AOC1: variants seen among roughly 807,000 people sequenced by gnomAD.
AOC1 encodes diamine oxidase [copper-containing].
In AOC1, 58 loss-of-function variants were observed where a neutral mutation model predicts 57.1. That is an observed-to-expected ratio of 1.02 (90% confidence interval 0.82 to 1.26). The LOEUF (loss-of-function observed/expected upper bound fraction) is 1.26, where lower values mean the gene tolerates loss of function less well. Among genes scored for constraint, AOC1 ranks in the 50% most tolerant of loss-of-function variants. The pLI, the probability that AOC1 is intolerant of heterozygous loss-of-function variation, is 0.00. For synonymous variants in AOC1, 401 were observed against 423.4 expected (o/e 0.95, Z 0.65); for missense variants, 917 against 1,005.3 (o/e 0.91, Z 1.19).
At position 150,857,059 on chromosome 7, in the gene AOC1, C is replaced by A; in HGVS notation, c.589C>A (p.Arg197Ser). The change falls in exon 2 of 5, where the codon CGC becomes AGC. Residue 197 changes from arginine to serine, a missense_variant. By Grantham distance (110) the Arg-to-Ser change is moderately radical (BLOSUM62 -1). Coordinates refer to ENST00000360937, the MANE Select transcript of AOC1 (RefSeq NM_001091.4). This position sits in a 1 kb window ranked among gnomAD's most constrained non-coding sequence, Gnocchi z 6.6. Reference protein sequence around the residue: ...VAPRGVASGQRRSWLIIQRYV... With the variant: ...VAPRGVASGQSRSWLIIQRYV... ...CCCCCGGGGTGTGGCTTCTGGCCAG[C>A]GCCGCAGTTGGCTTATCATACAGCG... 1 of 1,614,084 alleles carries A rather than the reference C, an allele frequency of 6.2e-7. No individual in the cohort carries two copies. Among genetic ancestry groups the A allele is most frequent in the Non-Finnish European group, 8.5e-7 (1 of 1,179,998 alleles).
rs1348481216 is a variant in AOC1 at position 150,857,163 on chromosome 7, G to A, written c.693G>A (p.Trp231Ter). 8.7e-6 allele frequency: 14 copies of A among 1,613,936 alleles called. No homozygotes were observed. Among genetic ancestry groups the A allele is most frequent in the Non-Finnish European group, 1.2e-5 (14 of 1,179,960 alleles). The change falls in exon 2 of 5, where the codon TGG (tryptophan) becomes TGA (stop). Residue 231 changes from tryptophan to a stop codon, truncating the protein, a stop_gained. Transcript: ENST00000360937. LOFTEE classifies it high-confidence loss of function. The surrounding 1 kb of genome is among the most constrained non-coding windows in gnomAD (Gnocchi z 6.6). ...VDHGSTDAGH[W>*]AVEQVWYNGK... is the part of the protein sequence containing the mutation. ...ATGGGAGCACAGATGCTGGGCACTG[G>A]GCCGTGGAGCAGGTGTGGTACAACG...
At chr7:150,853,674 TA>T (rs59175827) in intron 1 of AOC1, among the ~76,000 whole-genome samples, 28,832 of 109,416 alleles carry the variant, frequency 0.26, 3,303 homozygotes, top group African/African-American at 0.32. Flanking sequence ...TATATATATA[TA>T]TATATATATA....
In AOC1 at chr7:150,856,735, G is replaced by A. The variant is rs1799787770; in HGVS notation, c.265G>A (p.Gly89Ser). The change falls in exon 2 of 5, where the codon GGT (glycine) becomes AGT (serine). Residue 89 changes from glycine to serine, a missense_variant. By Grantham distance (56) the Gly-to-Ser change is moderately conservative. Transcript: ENST00000360937. The surrounding 1 kb of genome is among the most constrained non-coding windows in gnomAD (Gnocchi z 5.2). ...KYHVLRFLDK[G>S]ERHPVREARA... Reference sequence around the variant, plus strand: ...CCATGTGCTGAGGTTTCTGGATAAAGGTGAAAGGCATCCTGTGCGGGAAGC... The same window carrying A: ...CCATGTGCTGAGGTTTCTGGATAAAAGTGAAAGGCATCCTGTGCGGGAAGC... The A allele has an allele frequency of 6.2e-7, 1 of 1,614,054 alleles. No homozygotes were observed. Among genetic ancestry groups the A allele is most frequent in the South Asian group, 1.1e-5 (1 of 91,086 alleles).
rs938831675 is a variant in AOC1 at position 150,857,253 on chromosome 7, G to A, written c.783G>A (p.Val261=). 1.2e-6 allele frequency: 2 copies of A among 1,610,730 alleles called. No individual in the cohort carries two copies. The highest frequency in any genetic ancestry group is 2.7e-5 in the African/African-American group (2 of 74,880). The change falls in exon 2 of 5, where the codon GTG becomes GTA. Residue 261 remains valine (V), a synonymous_variant. Coordinates refer to ENST00000360937, the MANE Select transcript of AOC1 (RefSeq NM_001091.4). This position sits in a 1 kb window ranked among gnomAD's most constrained non-coding sequence, Gnocchi z 6.6. ...ATGCAGATGGAGAGGTGGACGTGGT[G>A]GTCCTGGAGGACCCGCTGCCTGGGG... ...RKYADGEVDV[V]VLEDPLPGGK...
chr7:150,858,664 C>A, intron 2 of AOC1, 99 bp from the exon 3 acceptor site: 1 of 1,286,880 alleles, frequency 7.8e-7, no homozygotes. Context: ...AGACAGTTGG[C>A]TGTTGGATGT....
At position 150,856,287 on chromosome 7, in the gene AOC1, G is replaced by C. The variant is rs146252614; in HGVS notation, c.-16-168G>C. Among the ~76,000 whole-genome samples the C allele has an allele frequency of 1.3e-5, 2 of 152,168 alleles. No homozygotes were observed. Among genetic ancestry groups the C allele is most frequent in the Admixed American group, 6.5e-5 (1 of 15,282 alleles). The stretch of plus-strand genomic sequence containing the variant: ...ATGGATGCACAGGCAGCGGCCCGAC[G>C]GCGCTGGGGACTATGCATGGGGCCC... On this transcript the variant is annotated intron_variant, in intron 1 of 4. Transcript: ENST00000360937. This position sits in a 1 kb window ranked among gnomAD's most constrained non-coding sequence, Gnocchi z 5.2.
rs550644434 is a variant in AOC1 at position 150,857,441 on chromosome 7, T to C, written c.971T>C (p.Phe324Ser). 6 of 1,611,182 alleles carry C rather than the reference T, an allele frequency of 3.7e-6. No individual in the cohort carries two copies. Among genetic ancestry groups the C allele is most frequent in the Non-Finnish European group, 4.2e-6 (5 of 1,179,598 alleles). Residue 324 changes from phenylalanine to serine, a missense_variant, in exon 2 of 5, where the codon TTT becomes TCT. Phe to Ser is a radical substitution (Grantham distance 155). Coordinates refer to ENST00000360937, the MANE Select transcript of AOC1 (RefSeq NM_001091.4). The surrounding 1 kb of genome is among the most constrained non-coding windows in gnomAD (Gnocchi z 6.6). ...GNAVLYGGWS[F>S]AFRLRSSSGL... ...GCTGTGCTCTACGGCGGCTGGAGCT[T>C]TGCCTTCCGGCTGCGCTCCTCCTCC...
chr7:150,858,816 C>T lies in AOC1; in HGVS notation c.1624C>T (p.Pro542Ser), dbSNP rs752076417. The change falls in exon 3 of 5, where the codon CCC (proline) becomes TCC (serine). Residue 542 changes from proline (P) to serine (S), a missense_variant. Coordinates refer to ENST00000360937, the MANE Select transcript of AOC1 (RefSeq NM_001091.4). ...LQMKLENITN[P>S]WSPRHRVVQP... ...GATGAAGCTAGAAAACATCACCAAC[C>T]CCTGGAGCCCAAGACACCGCGTGGT... 1.9e-5 allele frequency: 31 copies of T among 1,612,986 alleles called. No homozygotes were observed. The highest frequency in any genetic ancestry group is 2.5e-5 in the Non-Finnish European group (30 of 1,179,048).
chr7:150,856,866 T>C lies in AOC1; in HGVS notation c.396T>C (p.Pro132=). The change falls in exon 2 of 5, where the codon CCT becomes CCC. Residue 132 remains proline (P), a synonymous_variant. Coordinates refer to ENST00000360937, the MANE Select transcript of AOC1 (RefSeq NM_001091.4). This position sits in a 1 kb window ranked among gnomAD's most constrained non-coding sequence, Gnocchi z 5.2. The stretch of plus-strand genomic sequence containing the variant: ...ACATGCGAGCACTGTCCCCCAGGCC[T>C]GGGTACCAGTCCTCCTGGGCATCGA... ...PCYMRALSPR[P]GYQSSWASRP... The C allele has an allele frequency of 6.2e-7, 1 of 1,614,050 alleles. No individual in the cohort carries two copies. Among genetic ancestry groups the C allele is most frequent in the East Asian group, 2.2e-5 (1 of 44,870 alleles).
chr7:150,857,060 G>A lies in AOC1; in HGVS notation c.590G>A (p.Arg197His), dbSNP rs761385425. 41 of 1,613,960 alleles carry A rather than the reference G, an allele frequency of 2.5e-5. No homozygotes were observed. The highest frequency in any genetic ancestry group is 1.6e-4 in the Middle Eastern group (1 of 6,084). ...CCCCGGGGTGTGGCTTCTGGCCAGC[G>A]CCGCAGTTGGCTTATCATACAGCGC... ...VAPRGVASGQ[R>H]RSWLIIQRYV... Residue 197 changes from arginine (R) to histidine (H), a missense_variant, in exon 2 of 5, where the codon CGC becomes CAC. Transcript: ENST00000360937. The surrounding 1 kb of genome is among the most constrained non-coding windows in gnomAD (Gnocchi z 6.6).
At position 150,860,527 on chromosome 7, in the gene AOC1, G is replaced by A. The variant is rs377656190; in HGVS notation, c.1883G>A (p.Arg628Gln). 61 of 1,613,852 alleles carry A rather than the reference G, an allele frequency of 3.8e-5. No homozygotes were observed. Among genetic ancestry groups the A allele is most frequent in the South Asian group, 9.9e-5 (9 of 91,088 alleles). ...ARYPLAVTKY[R>Q]ESELCSSSIY... The stretch of plus-strand genomic sequence containing the variant: ...TACCCCCTGGCAGTGACCAAGTACC[G>A]GGAGTCGGAGCTGTGCAGCAGCAGC... Residue 628 changes from arginine to glutamine, a missense_variant, in exon 4 of 5, where the codon CGG becomes CAG. Transcript: ENST00000360937.
intron 1 of AOC1, among the ~76,000 whole-genome samples, chr7:150,853,695 A>ATATATATATATATATT (rs1244012491): frequency 8.3e-5 from 7 of 84,292 alleles, no homozygotes; most frequent in Non-Finnish European, 1.1e-4. Flanking sequence ...ATATATATAT[A>ATATATATATATATATT]TATTTATTTA....
At chr7:150,858,439 A>G (rs1799860752) in intron 2 of AOC1, among the ~76,000 whole-genome samples, 1 of 152,138 alleles carries the variant, frequency 6.6e-6, no homozygotes, top group Non-Finnish European at 1.5e-5. Flanking sequence ...GCCAGACCCA[A>G]CAAGGCCACC....
chr7:150,860,585 C>G lies in AOC1; in HGVS notation c.1941C>G (p.Pro647=). 6.2e-7 allele frequency: 1 copy of G among 1,613,992 alleles called. No homozygotes were observed. Among genetic ancestry groups the G allele is most frequent in the East Asian group, 2.2e-5 (1 of 44,866 alleles). Residue 647 remains proline, a synonymous_variant, in exon 4 of 5, where the codon CCC becomes CCG. Transcript: ENST00000360937. ...IYHQNDPWHP[P]VVFEQFLHNN... ...ACCAGAACGACCCCTGGCACCCGCC[C>G]GTGGTCTTTGAGCAGTTTCTTCACA...
intron 1 of AOC1, among the ~76,000 whole-genome samples, chr7:150,855,233 G>A (rs1799737063): frequency 6.6e-6 from 1 of 152,174 alleles, no homozygotes; most frequent in Non-Finnish European, 1.5e-5. Context: ...TGCTTCTGTA[G>A]GGAAATTTCA....
In AOC1 at chr7:150,857,571, G is replaced by A. The variant is rs903019262; in HGVS notation, c.1101G>A (p.Met367Ile). The change falls in exon 2 of 5, where the codon ATG (methionine) becomes ATA (isoleucine). Residue 367 changes from methionine to isoleucine, a missense_variant. Coordinates refer to ENST00000360937, the MANE Select transcript of AOC1 (RefSeq NM_001091.4). The surrounding 1 kb of genome is among the most constrained non-coding windows in gnomAD (Gnocchi z 6.6). The part of the protein sequence containing the change: ...ALYGGHTPAG[M>I]QTKYLDVGWG... ...ATGGAGGACACACACCTGCAGGCAT[G>A]CAGACCAAGTACCTCGATGTCGGCT... 9 of 1,614,040 alleles carry A rather than the reference G, an allele frequency of 5.6e-6. No homozygotes were observed. The highest frequency in any genetic ancestry group is 6.8e-6 in the Non-Finnish European group (8 of 1,179,996).
In AOC1 at chr7:150,857,632, G is replaced by A. The variant is rs756815729; in HGVS notation, c.1162G>A (p.Gly388Ser). ...LGSVTHELAP[G>S]IDCPETATFL... Reference sequence around the variant, plus strand: ...CAGCGTCACTCATGAGTTAGCCCCCGGCATCGACTGCCCGGAGACCGCCAC... The same window carrying A: ...CAGCGTCACTCATGAGTTAGCCCCCAGCATCGACTGCCCGGAGACCGCCAC... Residue 388 changes from glycine to serine, a missense_variant, in exon 2 of 5, where the codon GGC (glycine) becomes AGC (serine). Coordinates refer to ENST00000360937, the MANE Select transcript of AOC1 (RefSeq NM_001091.4). The surrounding 1 kb of genome is among the most constrained non-coding windows in gnomAD (Gnocchi z 6.6). 34 of 1,613,942 alleles carry A rather than the reference G, an allele frequency of 2.1e-5. No individual in the cohort carries two copies. The highest frequency in any genetic ancestry group is 1.3e-4 in the Admixed American group (8 of 60,006).
At chr7:150,860,745 TC>T in intron 4 of AOC1, 112 bp downstream of exon 4, 1 of 1,320,502 alleles carries the variant, frequency 7.6e-7, no homozygotes, top group South Asian at 1.3e-5. Context: ...CCCAGATCTG[TC>T]CCCAGTCGCA....
At chr7:150,860,393 G>A in intron 3 of AOC1, 108 bp from the exon 4 acceptor site, 2 of 1,569,604 alleles carry the variant, frequency 1.3e-6, no homozygotes, top group Non-Finnish European at 1.7e-6. Context: ...GTCATCTTGG[G>A]GAAGGCAATC....
Sources: gnomAD v4.1 joint callset for allele counts (sites outside exome capture counted in the v4.1 genomes callset) on GRCh38, gnomAD v4.1.1 for gene constraint, Gnocchi (gnomAD v3.1) non-coding constraint, MANE v1.5 for transcripts, NCBI Gene and HGNC (gene_info 2026-07-23, HGNC 2026-07-21) for gene names.